Variants in TACR3 observed in about 807,000 individuals in gnomAD.
The protein encoded by TACR3 is tachykinin receptor 3, also known as neuromedin-K receptor.
A neutral mutation model predicts 35.0 loss-of-function variants in TACR3; 34 were observed. The ratio of observed to expected loss-of-function variants is 0.97; its 90% confidence interval spans 0.74 to 1.30. The LOEUF is 1.30. TACR3 is among the 50% of genes most tolerant of loss of function. The pLI is 0.00. For missense variants in TACR3, 558 were observed against 591.7 expected, an observed-to-expected ratio of 0.94 and a Z score of 0.59; for synonymous variants, 233 against 221.1, an observed-to-expected ratio of 1.05 and a Z score of -0.48.
At chr4:103,667,898 G>A (rs994190168) in intron 1 of TACR3, among the ~76,000 whole-genome samples, 3 of 152,084 alleles carry the variant, frequency 2.0e-5, no homozygotes, top group African/African-American at 7.2e-5. Context: ...GTGTGATCTT[G>A]GCTCACTGCA....
At chr4:103,682,271 A>C (rs1470848843) in intron 1 of TACR3, among the ~76,000 whole-genome samples, 4 of 152,102 alleles carry the variant, frequency 2.6e-5, no homozygotes, top group Non-Finnish European at 5.9e-5. Flanking sequence ...AGCTGGGTGT[A>C]TTAGTCTGTT....
chr4:103,629,413 C>T (rs1724991005), intron 3 of TACR3, among the ~76,000 whole-genome samples: 3 of 152,084 alleles, frequency 2.0e-5, no homozygotes, highest in Non-Finnish European at 4.4e-5. Context: ...CCCAAAATCT[C>T]CTCAAGCTGA....
chr4:103,673,107 G>T lies in TACR3; in HGVS notation c.549-14704C>A, dbSNP rs554197166. ...GGCTTTGGCTTAAGGAAATGTTGTG[G>T]CTTGTTTGATCTTGTATCCAGACCA... On this transcript the variant is annotated intron_variant, in intron 1 of 4. Transcript: ENST00000304883. Among the ~76,000 whole-genome samples, 3 of 152,266 alleles carry T rather than the reference G, an allele frequency of 2.0e-5. No homozygotes were observed. The South Asian group carries it at 6.2e-4, about 32-fold the overall frequency.
At position 103,708,222 on chromosome 4, in the gene TACR3, C is replaced by G. The variant is rs947959364; in HGVS notation, c.548+10906G>C. 4.6e-5 allele frequency among the ~76,000 whole-genome samples: 7 copies of G among 152,160 alleles called. No homozygotes were observed. In the South Asian group the frequency reaches 6.2e-4, roughly 13 times the overall value. The stretch of plus-strand genomic sequence containing the variant: ...TGCCTCCTTAAGTGGGTCCTTGACC[C>G]CTGAGTAGCCTAAATGGGAGGTACC... On this transcript the variant is annotated intron_variant, in intron 1 of 4. Transcript: ENST00000304883.
chr4:103,703,519 G>A (rs1294182706), intron 1 of TACR3, among the ~76,000 whole-genome samples: 1 of 152,098 alleles, frequency 6.6e-6, no homozygotes, highest in Non-Finnish European at 1.5e-5. Context: ...TAAATCCATG[G>A]TCTAAAAATT....
chr4:103,611,294 G>T (rs1724505983), intron 3 of TACR3, among the ~76,000 whole-genome samples: 1 of 151,986 alleles, frequency 6.6e-6, no homozygotes, highest in South Asian at 2.1e-4. Flanking sequence ...CTCTTTAGTT[G>T]CTTTTGTTAA....
intron 1 of TACR3, among the ~76,000 whole-genome samples, chr4:103,682,120 A>T (rs1398666426): frequency 6.6e-6 from 1 of 152,074 alleles, no homozygotes; most frequent in East Asian, 1.9e-4. Context: ...GTAAAACAAC[A>T]CCTTTTAAAT....
intron 1 of TACR3, among the ~76,000 whole-genome samples, chr4:103,660,114 T>C (rs28520042): frequency 0.43 from 65,617 of 151,562 alleles, 17,087 homozygotes; most frequent in African/African-American, 0.75. Flanking sequence ...TAAATCTTTG[T>C]TGTTGTAACT....
At chr4:103,667,190 G>A (rs570624881) in intron 1 of TACR3, among the ~76,000 whole-genome samples, 60 of 152,162 alleles carry the variant, frequency 3.9e-4, no homozygotes, top group African/African-American at 1.3e-3. Context: ...CCCAGGAGGC[G>A]GAGGTTGCAG....
intron 3 of TACR3, among the ~76,000 whole-genome samples, chr4:103,595,704 G>T (rs1723991120): frequency 6.6e-6 from 1 of 151,234 alleles, no homozygotes; most frequent in African/African-American, 2.4e-5. Flanking sequence ...AACTCTAGGG[G>T]TCATATTCTT....
chr4:103,595,944 C>T (rs1724004340), intron 3 of TACR3, among the ~76,000 whole-genome samples: 1 of 139,460 alleles, frequency 7.2e-6, no homozygotes, highest in Admixed American at 7.8e-5. Context: ...TGTTCCCCTT[C>T]CTGTGTCCAT....
At position 103,703,871 on chromosome 4, in the gene TACR3, T is replaced by C. The variant is rs368406334; in HGVS notation, c.548+15257A>G. Among the ~76,000 whole-genome samples, 1,224 of 151,534 alleles carry C rather than the reference T, an allele frequency of 8.1e-3. 20 individuals carry two copies. The highest frequency in any genetic ancestry group is 0.028 in the African/African-American group (1,171 of 41,336). ...ATCCCAGCACTTTGGGAGGCTGAGG[T>C]GGGCGGATCACGAGGTCAGGAGATC... On this transcript the variant is annotated intron_variant, in intron 1 of 4. Coordinates refer to ENST00000304883, the MANE Select transcript of TACR3 (RefSeq NM_001059.3).
At chr4:103,694,074 T>C (rs1232637378) in intron 1 of TACR3, among the ~76,000 whole-genome samples, 1 of 152,184 alleles carries the variant, frequency 6.6e-6, no homozygotes, top group Non-Finnish European at 1.5e-5. Context: ...TTTTTTTCTT[T>C]CTTTTTTCTC....
intron 3 of TACR3, among the ~76,000 whole-genome samples, chr4:103,630,144 A>G (rs1355933486): frequency 1.3e-5 from 2 of 152,222 alleles, no homozygotes; most frequent in African/African-American, 2.4e-5. Flanking sequence ...CTATGAAGAA[A>G]ACTGAAACTG....
At position 103,656,304 on chromosome 4, in the gene TACR3, A is replaced by G. The variant is rs200604292; in HGVS notation, c.778T>C (p.Leu260=). 7.4e-6 allele frequency: 12 copies of G among 1,612,870 alleles called. No individual in the cohort carries two copies. The highest frequency in any genetic ancestry group is 1.3e-5 in the African/African-American group (1 of 74,978). The part of the protein sequence containing the change: ...IVIILVYCFP[L]LIMGITYTIV... ...GTGTATGTAATACCCATGATGAGCA[A>G]TGGGAAACAGTACACCAGTATAATG... The change falls in exon 3 of 5, where the codon TTG becomes CTG. Residue 260 remains leucine (L), a synonymous_variant. Transcript: ENST00000304883.
At chr4:103,652,413 A>T (rs1434755825) in intron 3 of TACR3, among the ~76,000 whole-genome samples, 1 of 152,066 alleles carries the variant, frequency 6.6e-6, no homozygotes, top group East Asian at 1.9e-4. Context: ...CCAAGGGCAA[A>T]GATTCTCTCT....
chr4:103,604,560 G>A (rs1323463442), intron 3 of TACR3, among the ~76,000 whole-genome samples: 2 of 152,098 alleles, frequency 1.3e-5, no homozygotes, highest in Non-Finnish European at 2.9e-5. Context: ...TTAAACTAAA[G>A]AGCTTCTGCA....
At chr4:103,668,848 C>CAAA (rs565931739) in intron 1 of TACR3, among the ~76,000 whole-genome samples, 18 of 107,820 alleles carry the variant, frequency 1.7e-4, no homozygotes, top group African/African-American at 4.5e-4. Context: ...GACTCTGTCT[C>CAAA]AAAAAAAAAA....
chr4:103,691,528 G>A lies in TACR3; in HGVS notation c.548+27600C>T, dbSNP rs78062785. On this transcript the variant is annotated intron_variant, in intron 1 of 4. Transcript: ENST00000304883. ...ATTGTTCTGTGTCCTGGCTGTGGTGGTTGTTAAATGAACTATCCATGCATT... is the reference window on the plus strand; with the variant it reads ...ATTGTTCTGTGTCCTGGCTGTGGTGATTGTTAAATGAACTATCCATGCATT... Among the ~76,000 whole-genome samples, 508 of 152,218 alleles carry A rather than the reference G, an allele frequency of 3.3e-3. 5 individuals carry two copies. The highest frequency in any genetic ancestry group is 0.011 in the East Asian group (55 of 5,180).
Sources: gnomAD v4.1 joint callset for allele counts (sites outside exome capture counted in the v4.1 genomes callset) on GRCh38, gnomAD v4.1.1 for gene constraint, MANE v1.5 for transcripts, NCBI Gene and HGNC (gene_info 2026-07-23, HGNC 2026-07-21) for gene names.